The following PITPNA variants were observed in gnomAD, a reference collection of about 807,000 sequenced individuals.
The protein encoded by PITPNA is phosphatidylinositol transfer protein alpha isoform.
PITPNA carries 13 observed loss-of-function variants against 50.3 expected under a neutral mutation model. The observed-to-expected ratio is 0.26, with a 90% CI of 0.17 to 0.41. The LOEUF is 0.41. Ranked by LOEUF, PITPNA falls within the 10% of genes least tolerant of loss-of-function variation. PITPNA has a pLI of 1.00. For synonymous variants in PITPNA, 120 were observed against 119.6 expected, an observed-to-expected ratio of 1.00 and a Z score of -0.02; for missense variants, 207 against 333.4, an observed-to-expected ratio of 0.62 and a Z score of 2.95.
intron 4 of PITPNA, among the ~76,000 whole-genome samples, chr17:1,544,731 A>G (rs1397506224): frequency 6.6e-6 from 1 of 152,244 alleles, no homozygotes; most frequent in Non-Finnish European, 1.5e-5. Context: ...TGAGGTCAGG[A>G]GTTCGAGACC....
Position 1,558,510 on chromosome 17 carries a change from A to G in PITPNA, c.51+19T>C, listed in dbSNP as rs1174980080. ...AAACAGTTACACACAACTATGGACC[A>G]GAAAGTAAAAGGACTTACCTCATCT... On this transcript the variant is annotated intron_variant, in intron 2 of 11. Coordinates refer to ENST00000313486, the MANE Select transcript of PITPNA (RefSeq NM_006224.4). The G allele has an allele frequency of 2.6e-6, 4 of 1,564,910 alleles. No individual in the cohort carries two copies. Among genetic ancestry groups the G allele is most frequent in the Non-Finnish European group, 3.5e-6 (4 of 1,136,362 alleles).
intron 2 of PITPNA, among the ~76,000 whole-genome samples, chr17:1,557,154 C>T (rs2075739075): frequency 6.6e-6 from 1 of 152,116 alleles, no homozygotes; most frequent in Non-Finnish European, 1.5e-5. Context: ...TCTGCCCTTC[C>T]CAGAACCCCA....
intron 10 of PITPNA, among the ~76,000 whole-genome samples, chr17:1,530,475 A>G (rs1021000076): frequency 4.6e-5 from 7 of 152,218 alleles, no homozygotes; most frequent in African/African-American, 1.7e-4. Flanking sequence ...AGCCTCATTC[A>G]AGAATGGTGG....
chr17:1,547,666 T>A (rs1000195913), intron 4 of PITPNA, among the ~76,000 whole-genome samples: 1 of 151,098 alleles, frequency 6.6e-6, no homozygotes, highest in Non-Finnish European at 1.5e-5. Flanking sequence ...AAAATAATAA[T>A]AAAATAAATA....
At chr17:1,537,497 C>A (rs530731086) in intron 7 of PITPNA, among the ~76,000 whole-genome samples, 4 of 152,224 alleles carry the variant, frequency 2.6e-5, no homozygotes, top group African/African-American at 9.6e-5. Flanking sequence ...ATGTGCCCAG[C>A]CTCTGAGGAG....
chr17:1,562,444 C>A lies in PITPNA; in HGVS notation c.20+97G>T. On this transcript the variant is annotated intron_variant, in intron 1 of 11. Transcript: ENST00000313486. This position sits in a 1 kb window ranked among gnomAD's most constrained non-coding sequence, Gnocchi z 6.4. ...GCACCCTCCGTCCCTGCTGCCCCTCCGTCCATCCGGGCCCTGCGTCCCTCG... is the reference window on the plus strand; with the variant it reads ...GCACCCTCCGTCCCTGCTGCCCCTCAGTCCATCCGGGCCCTGCGTCCCTCG... The A allele has an allele frequency of 9.8e-7, 1 of 1,024,232 alleles. No individual in the cohort carries two copies. Among genetic ancestry groups the A allele is most frequent in the South Asian group, 1.9e-5 (1 of 54,020 alleles). The allele number at this position is 1,024,232 out of a possible 1,614,324, so 63.4% of individuals were successfully genotyped here.
At chr17:1,533,081 G>A (rs2075594240) in intron 10 of PITPNA, among the ~76,000 whole-genome samples, 1 of 152,248 alleles carries the variant, frequency 6.6e-6, no homozygotes, top group Non-Finnish European at 1.5e-5. Context: ...GGAGAGCTGA[G>A]TGGGCTGTTG....
chr17:1,538,834 C>CA (rs781341197), intron 7 of PITPNA, 35 bp downstream of exon 7: 2 of 1,401,924 alleles, frequency 1.4e-6, no homozygotes, highest in Non-Finnish European at 2.0e-6. Flanking sequence ...ATTTCTGCGT[C>CA]TCGAAGGCCA....
At chr17:1,529,155 A>AGAAAGAGAG (rs56004131) in intron 10 of PITPNA, among the ~76,000 whole-genome samples, 1 of 106,636 alleles carries the variant, frequency 9.4e-6, no homozygotes, top group Admixed American at 1.1e-4. Context: ...AAAAAAAAAA[A>AGAAAGAGAG]AGAGAGAGAG....
At chr17:1,535,374 C>T (rs2075609680) in intron 8 of PITPNA, 67 bp downstream of exon 8, 1 of 1,515,270 alleles carries the variant, frequency 6.6e-7, no homozygotes, top group Non-Finnish European at 9.2e-7. Flanking sequence ...AGCCATGCCC[C>T]TCCTCCACAG....
At chr17:1,554,239 T>C (rs1029600478) in intron 2 of PITPNA, among the ~76,000 whole-genome samples, 1 of 151,984 alleles carries the variant, frequency 6.6e-6, no homozygotes, top group Non-Finnish European at 1.5e-5. Context: ...CTGCCGGTGC[T>C]AATCAGGCAT....
Position 1,562,637 on chromosome 17 carries a change from C to G in PITPNA, c.-77G>C. 1 of 980,956 alleles carries G rather than the reference C, an allele frequency of 1.0e-6. No homozygotes were observed. Among genetic ancestry groups the G allele is most frequent in the East Asian group, 4.3e-5 (1 of 23,004 alleles). The allele number at this position is 980,956 out of a possible 1,614,324, so 60.8% of individuals were successfully genotyped here. A position where few individuals can be genotyped will look rare whatever the true frequency, so the allele number is the denominator to read the frequency against. ...TGCCCGCCGGCCGCTCTCCCCGTGG[C>G]CCGGCCCGGCCCGGCTGCCTGTGCG... On this transcript the variant is annotated 5_prime_UTR_variant, in exon 1 of 12. Transcript: ENST00000313486. This position sits in a 1 kb window ranked among gnomAD's most constrained non-coding sequence, Gnocchi z 6.4.
At chr17:1,527,488 C>T (rs577474640) in intron 10 of PITPNA, among the ~76,000 whole-genome samples, 15 of 151,166 alleles carry the variant, frequency 9.9e-5, no homozygotes, top group East Asian at 4.0e-4. Context: ...GTGATCCACC[C>T]GCCTCGGCCT....
intron 3 of PITPNA, among the ~76,000 whole-genome samples, chr17:1,551,220 C>T (rs2075707280): frequency 6.6e-6 from 1 of 152,048 alleles, no homozygotes; most frequent in African/African-American, 2.4e-5. Flanking sequence ...CACAGTAAAG[C>T]TTCTCTTGTC....
chr17:1,552,901 T>C (rs2075716840), intron 3 of PITPNA, 103 bp downstream of exon 3: 2 of 1,157,344 alleles, frequency 1.7e-6, no homozygotes, highest in Non-Finnish European at 2.5e-6. Flanking sequence ...TGTTAGGATA[T>C]AACAATTAGT....
intron 3 of PITPNA, among the ~76,000 whole-genome samples, chr17:1,551,294 T>C (rs574800699): frequency 9.2e-5 from 14 of 151,542 alleles, no homozygotes; most frequent in Admixed American, 6.6e-4. Context: ...TTTTCTTTTT[T>C]TTTTTTTGTA....
At position 1,562,003 on chromosome 17, in the gene PITPNA, G is replaced by A. The variant is rs1475896666; in HGVS notation, c.20+538C>T. Among the ~76,000 whole-genome samples the A allele has an allele frequency of 1.3e-5, 2 of 152,056 alleles. No individual in the cohort carries two copies. The highest frequency in any genetic ancestry group is 2.4e-5 in the African/African-American group (1 of 41,426). On this transcript the variant is annotated intron_variant, in intron 1 of 11. Coordinates refer to ENST00000313486, the MANE Select transcript of PITPNA (RefSeq NM_006224.4). The surrounding 1 kb of genome is among the most constrained non-coding windows in gnomAD (Gnocchi z 6.4). ...GCGGGGCCTCTCAGCGCCGCCTGCAGTCCCGGCTGAGCCCGCGCCCTCGGC... is the reference window on the plus strand; with the variant it reads ...GCGGGGCCTCTCAGCGCCGCCTGCAATCCCGGCTGAGCCCGCGCCCTCGGC...
intron 6 of PITPNA, among the ~76,000 whole-genome samples, chr17:1,540,387 T>A (rs901500269): frequency 5.3e-5 from 8 of 152,136 alleles, no homozygotes; most frequent in African/African-American, 7.2e-5. Flanking sequence ...CTCTAAGAGA[T>A]CCTACATACA....
At position 1,541,542 on chromosome 17, in the gene PITPNA, G is replaced by T. The variant is rs781082791; in HGVS notation, c.372+24C>A. On this transcript the variant is annotated intron_variant, in intron 6 of 11. Coordinates refer to ENST00000313486, the MANE Select transcript of PITPNA (RefSeq NM_006224.4). ...GCAGAGACTCAAGACCTCACCCCTG[G>T]GGCTTTTGGGAACTACTACTCACAT... is the stretch of plus-strand genomic sequence containing the variant. 1.1e-5 allele frequency: 18 copies of T among 1,570,824 alleles called. 1 individual carries two copies. In the South Asian group the frequency reaches 1.8e-4, roughly 15 times the overall value.
Sources: allele counts gnomAD v4.1 joint callset (sites outside exome capture counted in the v4.1 genomes callset), GRCh38; gene constraint gnomAD v4.1.1; non-coding constraint Gnocchi (gnomAD v3.1); transcripts MANE v1.5; gene names NCBI Gene and HGNC (gene_info 2026-07-23, HGNC 2026-07-21).